NUP210: variants seen among roughly 807,000 people sequenced by gnomAD.
The protein encoded by NUP210 is nucleoporin 210.
Under a neutral mutation model 196.0 loss-of-function variants are expected in NUP210, and 151 were observed. The ratio of observed to expected loss-of-function variants is 0.77; its 90% CI spans 0.67 to 0.88. NUP210 has a LOEUF of 0.88. Among genes scored for constraint, NUP210 ranks in the 40% least tolerant of loss-of-function variants. NUP210 has a pLI of 0.00. For missense variants in NUP210, 2,314 were observed against 2,493.7 expected (o/e 0.93, Z 1.53); for synonymous variants, 1,070 against 1,052.7 (o/e 1.02, Z -0.32).
At chr3:13,409,940 A>C (rs548707417) in intron 1 of NUP210, among the ~76,000 whole-genome samples, 1 of 151,030 alleles carries the variant, frequency 6.6e-6, no homozygotes, top group East Asian at 2.0e-4. Context: ...GGATTCAAGC[A>C]ATTCTCCTGC....
chr3:13,384,244 A>C (rs1296170435), intron 6 of NUP210, among the ~76,000 whole-genome samples: 1 of 152,212 alleles, frequency 6.6e-6, no homozygotes, highest in Non-Finnish European at 1.5e-5. Context: ...TATGGGCGTG[A>C]GCCACCACGC....
intron 27 of NUP210, 70 bp downstream of exon 27, chr3:13,336,717 C>A: frequency 1.3e-6 from 2 of 1,517,032 alleles, no homozygotes; most frequent in Non-Finnish European, 1.8e-6. Context: ...GGCAGGAACC[C>A]TCCCTGCCAC....
At chr3:13,365,912 A>AG (rs1698513066) in intron 14 of NUP210, 34 bp downstream of exon 14, 2 of 1,611,938 alleles carry the variant, frequency 1.2e-6, no homozygotes, top group Non-Finnish European at 1.7e-6. Flanking sequence ...AGGAGTGGGC[A>AG]GGGGGGTGGT....
intron 1 of NUP210, among the ~76,000 whole-genome samples, chr3:13,403,314 C>T (rs149875889): frequency 9.5e-4 from 145 of 152,318 alleles, no homozygotes; most frequent in Admixed American, 4.5e-3. Context: ...AGTGAGGGCC[C>T]ACTTTCTGGG....
chr3:13,332,255 C>T (rs763752816), intron 29 of NUP210, 38 bp downstream of exon 29: 13 of 1,551,558 alleles, frequency 8.4e-6, no homozygotes, highest in African/African-American at 4.1e-5. Flanking sequence ...CAAGCACAGC[C>T]GCACAACTTT....
chr3:13,362,886 T>C (rs1698416762), intron 14 of NUP210, among the ~76,000 whole-genome samples: 1 of 152,194 alleles, frequency 6.6e-6, no homozygotes, highest in Admixed American at 6.5e-5. Flanking sequence ...AGGCCTCTGC[T>C]GAGCCTGTCT....
rs1201912596 is a variant in NUP210, at chr3:13,337,921, G to A, written c.3472-4C>T. ...GCACCTCCACCTGCACGAGGTCCTG[G>A]GGAAACAGGGTGGCACTTAGGTGTG... is the stretch of plus-strand genomic sequence containing the variant. On this transcript the variant is annotated splice_region_variant and splice_polypyrimidine_tract_variant and intron_variant, in intron 25 of 39. Transcript: ENST00000254508. The A allele has an allele frequency of 3.1e-6, 5 of 1,612,124 alleles. No individual in the cohort carries two copies. Among genetic ancestry groups the A allele is most frequent in the Admixed American group, 1.7e-5 (1 of 59,926 alleles).
rs1230075698 is a variant in NUP210 at position 13,358,087 on chromosome 3, C to T, written c.2328+135G>A. On this transcript the variant is annotated intron_variant, in intron 16 of 39. Transcript: ENST00000254508. ...AATGAAACCAGCGTCCTCACAGGGC[C>T]AGTTGTTGAGACGAAGGAAGTGCAG... 8.2e-6 allele frequency: 6 copies of T among 731,962 alleles called. No individual in the cohort carries two copies. In the African/African-American group the frequency reaches 9.0e-5, roughly 11 times the overall value. 45.3% of individuals were successfully genotyped at this position (731,962 alleles called of 1,614,324 possible).
chr3:13,330,035 A>T lies in NUP210; in HGVS notation c.4110+425T>A, dbSNP rs114428928. 1.5e-3 allele frequency among the ~76,000 whole-genome samples: 229 copies of T among 152,382 alleles called. 2 individuals are homozygous for T. The highest frequency in any genetic ancestry group is 5.3e-3 in the African/African-American group (220 of 41,594). The stretch of plus-strand genomic sequence containing the variant: ...ACGACTTGTATGGCAGGTACTGAGC[A>T]CAACATTCAATGCTCTTAAGAACAG... On this transcript the variant is annotated intron_variant, in intron 30 of 39. Coordinates refer to ENST00000254508, the MANE Select transcript of NUP210 (RefSeq NM_024923.4).
At chr3:13,385,330 C>T (rs529865257) in intron 6 of NUP210, among the ~76,000 whole-genome samples, 1 of 152,346 alleles carries the variant, frequency 6.6e-6, no homozygotes, top group Admixed American at 6.5e-5. Flanking sequence ...CTGACTGAGG[C>T]CCTCGGATGG....
At chr3:13,381,420 C>CTTTTT (rs10644995) in intron 6 of NUP210, among the ~76,000 whole-genome samples, 5 of 134,430 alleles carry the variant, frequency 3.7e-5, no homozygotes, top group East Asian at 2.2e-4. Context: ...CTTTTCTTTT[C>CTTTTT]TTTTTTTTTT....
At chr3:13,382,235 T>C (rs940438920) in intron 6 of NUP210, among the ~76,000 whole-genome samples, 6 of 152,244 alleles carry the variant, frequency 3.9e-5, no homozygotes, top group Non-Finnish European at 8.8e-5. Context: ...GTGGCAGTCA[T>C]GTCTGCAACC....
At chr3:13,322,410 C>T in intron 34 of NUP210, 71 bp from the exon 35 acceptor site, 1 of 1,556,320 alleles carries the variant, frequency 6.4e-7, no homozygotes, top group Non-Finnish European at 8.8e-7. Context: ...ACCAGGCCTG[C>T]ACAGGCTGGC....
intron 14 of NUP210, among the ~76,000 whole-genome samples, chr3:13,361,826 T>C (rs1439211260): frequency 6.6e-6 from 1 of 152,160 alleles, no homozygotes; most frequent in African/African-American, 2.4e-5. Context: ...TCTCTCAACC[T>C]GGCTCCAGTC....
In NUP210 at chr3:13,341,985, G is replaced by A; in HGVS notation, c.3092+11C>T. ...CTGAGGTGCCCTCCTCTGACCCCTA[G>A]GAGAACTCACACCAATGTAATGATC... On this transcript the variant is annotated intron_variant, in intron 22 of 39. Transcript: ENST00000254508. 2 of 1,613,974 alleles carry A rather than the reference G, an allele frequency of 1.2e-6. No homozygotes were observed. The highest frequency in any genetic ancestry group is 1.7e-6 in the Non-Finnish European group (2 of 1,179,894).
chr3:13,350,628 C>T lies in NUP210; in HGVS notation c.2835+1251G>A, dbSNP rs1697937492. On this transcript the variant is annotated intron_variant, in intron 20 of 39. Transcript: ENST00000254508. The surrounding 1 kb of genome is among the most constrained non-coding windows in gnomAD (Gnocchi z 4.1). ...AAGGGAGTAAAGGAAGATTTGATAACAATCTCATATCAAACAGCGAATATC... is the reference window on the plus strand; with the variant it reads ...AAGGGAGTAAAGGAAGATTTGATAATAATCTCATATCAAACAGCGAATATC... Among the ~76,000 whole-genome samples the T allele has an allele frequency of 6.7e-6, 1 of 149,980 alleles. No individual in the cohort carries two copies. Among genetic ancestry groups the T allele is most frequent in the Admixed American group, 6.6e-5 (1 of 15,048 alleles).
At chr3:13,376,034 C>A (rs1186586883) in intron 10 of NUP210, among the ~76,000 whole-genome samples, 1 of 152,232 alleles carries the variant, frequency 6.6e-6, no homozygotes, top group Non-Finnish European at 1.5e-5. Flanking sequence ...CCCTTCCAGG[C>A]CAGGAGGCCT....
chr3:13,402,258 T>TG (rs563981135), intron 1 of NUP210, among the ~76,000 whole-genome samples: 1 of 152,006 alleles, frequency 6.6e-6, no homozygotes, highest in African/African-American at 2.4e-5. Context: ...ATAAAGTCTA[T>TG]GGGGGGAAAA....
intron 8 of NUP210, among the ~76,000 whole-genome samples, chr3:13,378,315 T>C (rs545281438): frequency 6.6e-5 from 10 of 152,324 alleles, no homozygotes; most frequent in Admixed American, 3.9e-4. Flanking sequence ...TCTTGCCATA[T>C]GAGTCATCCC....
Sources: gnomAD v4.1 joint callset for allele counts (sites outside exome capture counted in the v4.1 genomes callset) on GRCh38, gnomAD v4.1.1 for gene constraint, Gnocchi (gnomAD v3.1) non-coding constraint, MANE v1.5 for transcripts, NCBI Gene and HGNC (gene_info 2026-07-23, HGNC 2026-07-21) for gene names.